The following TRRAP variants were observed in gnomAD, a reference collection of about 807,000 sequenced individuals.
The protein encoded by TRRAP is transformation/transcription domain associated protein.
In TRRAP, 41 loss-of-function variants were observed where a neutral mutation model predicts 438.8. The ratio of observed to expected loss-of-function variants is 0.09; its 90% CI spans 0.07 to 0.12. The LOEUF is 0.12. TRRAP is among the 10% of genes least tolerant of loss of function. The pLI is 1.00. For missense variants in TRRAP, 3,122 were observed against 5,055.1 expected (o/e 0.62, Z 11.60); for synonymous variants, 1,994 against 1,962.9 (o/e 1.02, Z -0.42).
intron 4 of TRRAP, among the ~76,000 whole-genome samples, chr7:98,890,793 TTTTTTTTTTTTTA>T (rs1266813712): frequency 1.6e-5 from 2 of 127,432 alleles, no homozygotes; most frequent in Admixed American, 1.5e-4. Flanking sequence ...TTTTTTTTTT[TTTTTTTTTTTTTA>T]AAAGACAAGG....
intron 51 of TRRAP, among the ~76,000 whole-genome samples, chr7:98,969,172 T>C (rs1200902632): frequency 1.3e-5 from 2 of 152,246 alleles, no homozygotes; most frequent in South Asian, 4.1e-4. Flanking sequence ...AAAATTATTC[T>C]TAATAAAGCA....
At chr7:98,964,529 C>A (rs1041553824) in intron 47 of TRRAP, 100 bp from the exon 48 acceptor site, 2 of 1,412,124 alleles carry the variant, frequency 1.4e-6, no homozygotes, top group Non-Finnish European at 1.9e-6. Flanking sequence ...ATTAACTATG[C>A]TTTTGTCAGA....
chr7:98,951,590 G>A (rs1791340724), intron 39 of TRRAP, among the ~76,000 whole-genome samples: 1 of 152,220 alleles, frequency 6.6e-6, no homozygotes, highest in Non-Finnish European at 1.5e-5. Context: ...ACTGTTAAAG[G>A]CCGTGTTTGC....
At chr7:98,999,173 G>A in intron 67 of TRRAP, 12 of 1,574,128 alleles carry the variant, frequency 7.6e-6, no homozygotes, top group Non-Finnish European at 1.0e-5. Flanking sequence ...TCTCTGATCT[G>A]GATTTCAAAG....
chr7:98,956,308 G>C lies in TRRAP; in HGVS notation c.6096+4G>C. 6.2e-7 allele frequency: 1 copy of C among 1,614,208 alleles called. No individual in the cohort carries two copies. The highest frequency in any genetic ancestry group is 1.3e-5 in the African/African-American group (1 of 75,078). ...GCAGAGGATCAAGGACCAGCAGGTA[G>C]GGGTGTCAGCCTCAGGGGTGCCCCG... On this transcript the variant is annotated splice_donor_region_variant and intron_variant, in intron 42 of 72. Transcript: ENST00000456197. The surrounding 1 kb of genome is among the most constrained non-coding windows in gnomAD (Gnocchi z 4.5).
Position 98,950,881 on chromosome 7 carries a change from G to A in TRRAP, c.5340G>A (p.Leu1780=). ...TATTTAAATTTTTTTTGTAGGTTCT[G>A]CAGCATATCTTGAATCCTGCTTTCT... ...NFGDELKAKV[L]QHILNPAFLY... is the part of the protein sequence containing the mutation. The change falls in exon 39 of 73, where the codon CTG becomes CTA. Residue 1780 remains leucine (L), a synonymous_variant. Coordinates refer to ENST00000456197, the MANE Select transcript of TRRAP (RefSeq NM_001375524.1). 6 of 1,558,178 alleles carry A rather than the reference G, an allele frequency of 3.9e-6. No homozygotes were observed. Among genetic ancestry groups the A allele is most frequent in the Non-Finnish European group, 5.2e-6 (6 of 1,158,752 alleles).
At chr7:98,951,059 C>CTG (rs67173253) in intron 39 of TRRAP, 55 bp downstream of exon 39, 19,484 of 957,150 alleles carry the variant, frequency 0.02, 95 homozygotes, top group African/African-American at 0.062. Flanking sequence ...GGATGAACAT[C>CTG]TGTGTGTGTG....
At position 98,976,437 on chromosome 7, in the gene TRRAP, G is replaced by A. The variant is rs769578583; in HGVS notation, c.7960-46G>A. The stretch of plus-strand genomic sequence containing the variant: ...TGCATCGAGAGAGACAGCAAGACTT[G>A]CCGATTTTTGAATGAAGGCCTAAAT... On this transcript the variant is annotated intron_variant, in intron 54 of 72. Coordinates refer to ENST00000456197, the MANE Select transcript of TRRAP (RefSeq NM_001375524.1). This position sits in a 1 kb window ranked among gnomAD's most constrained non-coding sequence, Gnocchi z 4.6. The A allele has an allele frequency of 1.6e-5, 26 of 1,586,452 alleles. 1 individual carries two copies. The South Asian group carries it at 2.6e-4, about 16-fold the overall frequency.
intron 40 of TRRAP, 99 bp downstream of exon 40, chr7:98,953,532 C>T: frequency 6.7e-7 from 1 of 1,494,446 alleles, no homozygotes. Context: ...TTGTCTTCTC[C>T]CAAAACCAAT....
Position 98,911,081 on chromosome 7 carries a change from A to G in TRRAP, c.1817A>G (p.Gln606Arg). Residue 606 changes from glutamine (Q) to arginine (R), a missense_variant, in exon 17 of 73, where the codon CAG (glutamine) becomes CGG (arginine). Coordinates refer to ENST00000456197, the MANE Select transcript of TRRAP (RefSeq NM_001375524.1). ...GGCTTTTTTCCCCTGTATTAGGTCC[A>G]GATAGCAGGAAATGGACAGACATAC... is the stretch of plus-strand genomic sequence containing the variant. ...AMQALDIYQV[Q>R]IAGNGQTYIR... The G allele has an allele frequency of 6.2e-7, 1 of 1,613,932 alleles. No individual in the cohort carries two copies. Among genetic ancestry groups the G allele is most frequent in the Non-Finnish European group, 8.5e-7 (1 of 1,179,904 alleles).
intron 6 of TRRAP, among the ~76,000 whole-genome samples, chr7:98,894,788 T>G (rs1796126131): frequency 7.1e-6 from 1 of 140,538 alleles, no homozygotes; most frequent in Non-Finnish European, 1.5e-5. Context: ...TAATGGTTTT[T>G]TTTTTTTTTT....
chr7:98,937,332 G>T, intron 29 of TRRAP, 55 bp downstream of exon 29: 1 of 1,571,346 alleles, frequency 6.4e-7, no homozygotes, highest in Non-Finnish European at 8.6e-7. Flanking sequence ...ACATGTGTGT[G>T]TACTCTGCAT....
rs995839900 is a variant in TRRAP at position 99,011,682 on chromosome 7, G to A, written c.11337+147G>A. 9.2e-6 allele frequency: 9 copies of A among 974,512 alleles called. No homozygotes were observed. The African/African-American group carries it at 1.5e-4, about 16-fold the overall frequency. The allele number at this position is 974,512 out of a possible 1,614,324, so 60.4% of individuals were successfully genotyped here. ...ACCCCTGTGTGTTATGTCCTTTGCT[G>A]TGAGGGCAAGGGATGGTTTTCTCTT... is the stretch of plus-strand genomic sequence containing the variant. On this transcript the variant is annotated intron_variant, in intron 72 of 72. Coordinates refer to ENST00000456197, the MANE Select transcript of TRRAP (RefSeq NM_001375524.1). The surrounding 1 kb of genome is among the most constrained non-coding windows in gnomAD (Gnocchi z 7.1).
rs1457961515 is a variant in TRRAP, at chr7:98,895,874, C to T, written c.507+54C>T. 6 of 1,417,804 alleles carry T rather than the reference C, an allele frequency of 4.2e-6. No individual in the cohort carries two copies. The African/African-American group carries it at 5.7e-5, about 13-fold the overall frequency. The allele number at this position is 1,417,804 out of a possible 1,614,324, so 87.8% of individuals were successfully genotyped here. A position where few individuals can be genotyped will look rare whatever the true frequency, so the allele number is the denominator to read the frequency against. On this transcript the variant is annotated intron_variant, in intron 7 of 72. Coordinates refer to ENST00000456197, the MANE Select transcript of TRRAP (RefSeq NM_001375524.1). Reference sequence around the variant, plus strand: ...TACATTTGTTTATACTTCCTTATTCCAAAAAGACTTTAGAACAGTTGGGTT... The same window carrying T: ...TACATTTGTTTATACTTCCTTATTCTAAAAAGACTTTAGAACAGTTGGGTT...
In TRRAP at chr7:98,983,369, G is replaced by C. The variant is rs1468722059; in HGVS notation, c.8932G>C (p.Val2978Leu). Residue 2978 changes from valine (V) to leucine (L), a missense_variant, in exon 60 of 73, where the codon GTG becomes CTG. Coordinates refer to ENST00000456197, the MANE Select transcript of TRRAP (RefSeq NM_001375524.1). ...CAGCCTGCACGACATGAAGACGGTG[G>C]TGAAGACCTGGAGGAACCGACTGCC... ...NNSLHDMKTV[V>L]KTWRNRLPIV... 2 of 1,614,110 alleles carry C rather than the reference G, an allele frequency of 1.2e-6. No homozygotes were observed. Among genetic ancestry groups the C allele is most frequent in the East Asian group, 4.5e-5 (2 of 44,896 alleles).
At position 98,949,683 on chromosome 7, in the gene TRRAP, C is replaced by T. The variant is rs369988548; in HGVS notation, c.4977C>T (p.Asn1659=). The change falls in exon 37 of 73, where the codon AAC becomes AAT. Residue 1659 remains asparagine (N), a synonymous_variant. Transcript: ENST00000456197. ...AGATCATAAGCATTATAGTGAAAAA[C>T]GATGACTCCTGGCTGGCCAGCCAGC... ...AIKIISIIVK[N]DDSWLASQHS... is the part of the protein sequence containing the mutation. The T allele has an allele frequency of 1.8e-4, 283 of 1,613,422 alleles. No individual in the cohort carries two copies. Among genetic ancestry groups the T allele is most frequent in the Middle Eastern group, 3.3e-4 (2 of 6,050 alleles).
At chr7:98,907,525 TATTAAGAC>T (rs1796835845) in intron 13 of TRRAP, among the ~76,000 whole-genome samples, 1 of 152,216 alleles carries the variant, frequency 6.6e-6, no homozygotes, top group South Asian at 2.1e-4. Flanking sequence ...TGTTATAAAA[TATTAAGAC>T]ATTTTTTGTA....
At chr7:98,906,478 G>A (rs1796740398) in intron 13 of TRRAP, among the ~76,000 whole-genome samples, 1 of 151,602 alleles carries the variant, frequency 6.6e-6, no homozygotes, top group Non-Finnish European at 1.5e-5. Flanking sequence ...TGTCACCCGG[G>A]CTGGAGTATA....
At position 98,886,407 on chromosome 7, in the gene TRRAP, T is replaced by C. The variant is rs1795703590; in HGVS notation, c.151-3928T>C. On this transcript the variant is annotated intron_variant, in intron 3 of 72. Coordinates refer to ENST00000456197, the MANE Select transcript of TRRAP (RefSeq NM_001375524.1). ...AGAGAGATAGAGATAGATATAGATA[T>C]CTAGAGAGATATGGATATCTAGAGA... Among the ~76,000 whole-genome samples the C allele has an allele frequency of 2.6e-5, 4 of 151,766 alleles. No individual in the cohort carries two copies. The South Asian group carries it at 8.3e-4, about 31-fold the overall frequency.
Sources: gnomAD v4.1 joint callset for allele counts (sites outside exome capture counted in the v4.1 genomes callset) on GRCh38, gnomAD v4.1.1 for gene constraint, Gnocchi (gnomAD v3.1) non-coding constraint, MANE v1.5 for transcripts, NCBI Gene and HGNC (gene_info 2026-07-23, HGNC 2026-07-21) for gene names.